PSD2: variants seen among roughly 807,000 people sequenced by gnomAD.
The protein encoded by PSD2 is pleckstrin and Sec7 domain containing 2.
A neutral mutation model predicts 69.8 loss-of-function variants in PSD2; 38 were observed. The observed-to-expected ratio is 0.54, with a 90% confidence interval of 0.42 to 0.71. The LOEUF is 0.71. Ranked by LOEUF, PSD2 falls within the 30% of genes least tolerant of loss-of-function variation. PSD2 has a pLI of 0.00. For missense variants in PSD2, 943 were observed against 1,014.5 expected, an observed-to-expected ratio of 0.93 and a Z score of 0.96; for synonymous variants, 412 against 423.0, an observed-to-expected ratio of 0.97 and a Z score of 0.32.
upstream of PSD2, among the ~76,000 whole-genome samples, chr5:139,791,204 AG>A (rs1759410012): frequency 6.6e-6 from 1 of 151,962 alleles, no homozygotes. Flanking sequence ...CCAAGGCAGG[AG>A]GATCACTTGA....
intron 7 of PSD2, among the ~76,000 whole-genome samples, chr5:139,823,355 G>A (rs1760322999): frequency 6.6e-6 from 1 of 152,102 alleles, no homozygotes; most frequent in African/African-American, 2.4e-5. Context: ...GTGTGCCGAG[G>A]CCCCCATCAC....
chr5:139,826,406 C>T (rs534024364), intron 7 of PSD2, among the ~76,000 whole-genome samples: 14 of 152,246 alleles, frequency 9.2e-5, no homozygotes, highest in African/African-American at 3.4e-4. Context: ...TGGAAGCTTC[C>T]CTTGAGATGA....
the PSD2 span, among the ~76,000 whole-genome samples, chr5:139,766,916 CCTTCCTTCCTTCCCTT>C: frequency 2.2e-5 from 1 of 44,954 alleles, no homozygotes; most frequent in Non-Finnish European, 4.6e-5. Flanking sequence ...TCCCTTCCTT[CCTTCCTTCCTTCCCTT>C]CTTTCTTTCT....
the PSD2 span, among the ~76,000 whole-genome samples, chr5:139,777,994 C>T: frequency 1.3e-5 from 2 of 152,242 alleles, no homozygotes; most frequent in Admixed American, 6.5e-5. Context: ...CCTCCTAGAG[C>T]CTGGGAACAA....
At chr5:139,824,251 G>A (rs377072742) in intron 7 of PSD2, among the ~76,000 whole-genome samples, 3 of 152,226 alleles carry the variant, frequency 2.0e-5, no homozygotes, top group Admixed American at 6.5e-5. Flanking sequence ...AGAGCACCCC[G>A]CAGCTTGGTG....
At chr5:139,775,070 C>A in the PSD2 span, among the ~76,000 whole-genome samples, 1 of 152,238 alleles carries the variant, frequency 6.6e-6, no homozygotes, top group Non-Finnish European at 1.5e-5. Flanking sequence ...CTGGCGCCCA[C>A]CACCAGTCTG....
the PSD2 span, among the ~76,000 whole-genome samples, chr5:139,765,647 A>C: frequency 6.6e-6 from 1 of 152,224 alleles, no homozygotes; most frequent in Admixed American, 6.5e-5. Flanking sequence ...GGAGAGAGCG[A>C]GTAGTCAGCA....
intron 8 of PSD2, among the ~76,000 whole-genome samples, chr5:139,835,515 A>G (rs1214203944): frequency 6.6e-6 from 1 of 152,180 alleles, no homozygotes; most frequent in Non-Finnish European, 1.5e-5. Flanking sequence ...GGAGATTGAC[A>G]TTAAGTGATC....
chr5:139,781,401 T>C, the PSD2 span, among the ~76,000 whole-genome samples: 5 of 151,914 alleles, frequency 3.3e-5, no homozygotes, highest in African/African-American at 1.2e-4. Context: ...AGTGGTGCAA[T>C]CTTGGCCCAC....
chr5:139,817,176 T>TAG (rs1156624755), intron 4 of PSD2, among the ~76,000 whole-genome samples: 2 of 152,242 alleles, frequency 1.3e-5, no homozygotes, highest in Non-Finnish European at 2.9e-5. Context: ...ATGGCCCTGC[T>TAG]AGTAGCTTCT....
chr5:139,840,590 G>A (rs555684710), intron 14 of PSD2, among the ~76,000 whole-genome samples: 122 of 145,142 alleles, frequency 8.4e-4, no homozygotes, highest in African/African-American at 1.3e-3. Flanking sequence ...TCACTCTGTC[G>A]CCCAGGCTGG....
At chr5:139,819,816 G>C (rs1205194746) in intron 5 of PSD2, among the ~76,000 whole-genome samples, 1 of 152,232 alleles carries the variant, frequency 6.6e-6, no homozygotes, top group Non-Finnish European at 1.5e-5. Context: ...GATTGGTCTG[G>C]CAAGGTGTTC....
chr5:139,816,184 T>C (rs1422041246), intron 4 of PSD2, among the ~76,000 whole-genome samples: 3 of 152,154 alleles, frequency 2.0e-5, no homozygotes, highest in Admixed American at 6.5e-5. Context: ...ACTCTATCAT[T>C]TGATTTATAA....
intron 2 of PSD2, among the ~76,000 whole-genome samples, chr5:139,811,082 C>T (rs1759946819): frequency 6.6e-6 from 1 of 152,164 alleles, no homozygotes; most frequent in Non-Finnish European, 1.5e-5. Context: ...CTTTACTGGG[C>T]TGACTTTGGG....
chr5:139,763,530 C>T, the PSD2 span, among the ~76,000 whole-genome samples: 2 of 152,196 alleles, frequency 1.3e-5, no homozygotes, highest in African/African-American at 4.8e-5. Context: ...GGGATGATGA[C>T]CATGGCCTGT....
rs920669900 is a variant in PSD2, at chr5:139,798,427, C to T, written c.-51+2452C>T. 3.3e-5 allele frequency among the ~76,000 whole-genome samples: 5 copies of T among 152,194 alleles called. No homozygotes were observed. In the East Asian group the frequency reaches 9.6e-4, roughly 29 times the overall value. On this transcript the variant is annotated intron_variant, in intron 1 of 14. Coordinates refer to ENST00000274710, the MANE Select transcript of PSD2 (RefSeq NM_032289.4). ...GGGCTGGCCCACAGCTCTGCATGCTCAGGTTTGTGGACTGCCCTGGGGAAG... is the reference window on the plus strand; with the variant it reads ...GGGCTGGCCCACAGCTCTGCATGCTTAGGTTTGTGGACTGCCCTGGGGAAG...
At chr5:139,760,571 CT>C in the PSD2 span, among the ~76,000 whole-genome samples, 1 of 152,216 alleles carries the variant, frequency 6.6e-6, no homozygotes, top group South Asian at 2.1e-4. Flanking sequence ...AGCTCTGCCC[CT>C]GATCCTCCCT....
intron 1 of PSD2, among the ~76,000 whole-genome samples, chr5:139,803,707 A>G (rs1430891331): frequency 6.6e-6 from 1 of 152,102 alleles, no homozygotes; most frequent in Non-Finnish European, 1.5e-5. Context: ...TGGGAAGACC[A>G]AGTGGGTTAA....
At chr5:139,788,168 GC>G in the PSD2 span, among the ~76,000 whole-genome samples, 39,111 of 126,636 alleles carry the variant, frequency 0.31, 5,056 homozygotes, top group African/African-American at 0.42. Context: ...CGGAGAGCCC[GC>G]CCCCCCCGCG....
Sources: gnomAD v4.1 joint callset for allele counts (sites outside exome capture counted in the v4.1 genomes callset) on GRCh38, gnomAD v4.1.1 for gene constraint, MANE v1.5 for transcripts, NCBI Gene and HGNC (gene_info 2026-07-23, HGNC 2026-07-21) for gene names.